ASTN2: variants seen among roughly 807,000 people sequenced by gnomAD.
The protein encoded by ASTN2 is astrotactin 2, also known as astrotactin-2.
In ASTN2, 54 loss-of-function variants were observed where a neutral mutation model predicts 139.8. That is an observed-to-expected ratio of 0.39 (90% CI 0.31 to 0.48). ASTN2 has a LOEUF of 0.48. Ranked by LOEUF, ASTN2 falls within the 20% of genes least tolerant of loss-of-function variation. The probability of loss-of-function intolerance (pLI) is 0.95; values close to 1 mark genes in which losing one functional copy is unlikely to be tolerated. For missense variants in ASTN2, 1,565 were observed against 1,725.1 expected (o/e 0.91, Z 1.64); for synonymous variants, 756 against 719.5 (o/e 1.05, Z -0.81).
At chr9:117,122,580 T>C (rs968989219) in intron 4 of ASTN2, among the ~76,000 whole-genome samples, 6 of 152,174 alleles carry the variant, frequency 3.9e-5, no homozygotes, top group African/African-American at 1.4e-4. Context: ...ACATGGTCAT[T>C]GACTTTGTGG....
intron 10 of ASTN2, among the ~76,000 whole-genome samples, chr9:116,965,514 G>A (rs1835988888): frequency 6.6e-6 from 1 of 152,166 alleles, no homozygotes; most frequent in African/African-American, 2.4e-5. Flanking sequence ...CCCCTATCAT[G>A]ACAAGATGGG....
At chr9:116,905,290 C>T (rs949678437) in intron 10 of ASTN2, among the ~76,000 whole-genome samples, 3 of 152,148 alleles carry the variant, frequency 2.0e-5, no homozygotes, top group Admixed American at 1.3e-4. Context: ...TGGTGTGATA[C>T]AAAAGCGGCA....
At chr9:116,818,226 CCTT>C (rs568818430) in intron 12 of ASTN2, among the ~76,000 whole-genome samples, 3 of 152,174 alleles carry the variant, frequency 2.0e-5, no homozygotes, top group Non-Finnish European at 4.4e-5. Flanking sequence ...ATTTATTAAA[CCTT>C]CTCCTACCCA....
chr9:117,126,151 G>C (rs1829684536), intron 4 of ASTN2, among the ~76,000 whole-genome samples: 1 of 152,172 alleles, frequency 6.6e-6, no homozygotes, highest in African/African-American at 2.4e-5. Flanking sequence ...AATCCCACCA[G>C]AGTAATTAGG....
chr9:116,678,019 C>T (rs1304940190), intron 16 of ASTN2, among the ~76,000 whole-genome samples: 1 of 152,124 alleles, frequency 6.6e-6, no homozygotes, highest in African/African-American at 2.4e-5. Context: ...GCATTTAAAT[C>T]AAATATTTTA....
At chr9:116,624,616 A>G (rs1320697037) in intron 17 of ASTN2, among the ~76,000 whole-genome samples, 2 of 152,230 alleles carry the variant, frequency 1.3e-5, no homozygotes, top group Non-Finnish European at 2.9e-5. Flanking sequence ...AATGTCACTA[A>G]GCCCATGAAT....
At chr9:117,179,711 G>T (rs1831008827) in intron 3 of ASTN2, among the ~76,000 whole-genome samples, 1 of 151,914 alleles carries the variant, frequency 6.6e-6, no homozygotes, top group South Asian at 2.1e-4. Context: ...TGTACTCCAG[G>T]ACTGCTGGGC....
intron 19 of ASTN2, among the ~76,000 whole-genome samples, chr9:116,507,543 G>C (rs1587902900): frequency 1.3e-5 from 2 of 152,184 alleles, no homozygotes; most frequent in East Asian, 3.9e-4. Flanking sequence ...GTTCCTAGAA[G>C]TATGCCTCCC....
intron 16 of ASTN2, among the ~76,000 whole-genome samples, chr9:116,669,189 A>G (rs1859042978): frequency 1.3e-5 from 2 of 152,188 alleles, no homozygotes; most frequent in African/African-American, 2.4e-5. Context: ...CAACTGTCCC[A>G]TGAACCAGAA....
chr9:117,303,490 CT>C (rs767896813), intron 1 of ASTN2, among the ~76,000 whole-genome samples: 6 of 152,148 alleles, frequency 3.9e-5, no homozygotes, highest in Non-Finnish European at 5.9e-5. Context: ...TTATAGCCCC[CT>C]ATGCCATCTA....
chr9:117,108,315 G>A (rs1829157525), intron 4 of ASTN2, among the ~76,000 whole-genome samples: 1 of 151,894 alleles, frequency 6.6e-6, no homozygotes, highest in Admixed American at 6.6e-5. Flanking sequence ...CCCTCTTCAG[G>A]GTGACATCAG....
At chr9:117,043,531 C>T (rs1216978372) in intron 5 of ASTN2, among the ~76,000 whole-genome samples, 2 of 152,156 alleles carry the variant, frequency 1.3e-5, no homozygotes, top group Non-Finnish European at 2.9e-5. Flanking sequence ...GGTAGAATGG[C>T]TCATACTCTC....
Position 116,487,397 on chromosome 9 carries a change from T to G in ASTN2, c.3459A>C (p.Ser1153=). 6.2e-7 allele frequency: 1 copy of G among 1,614,066 alleles called. No individual in the cohort carries two copies. The change falls in exon 20 of 23, where the codon TCA becomes TCC. Residue 1153 remains serine, a synonymous_variant. Coordinates refer to ENST00000313400, the MANE Select transcript of ASTN2 (RefSeq NM_001365068.1). ...CGGGCTCCAGACACTTGAAGATGACTGAGTAGATACTGACTTCAGGGACCT... is the reference window on the plus strand; with the variant it reads ...CGGGCTCCAGACACTTGAAGATGACGGAGTAGATACTGACTTCAGGGACCT... ...HGEVPEVSIY[S]VIFKCLEPDG... is the part of the protein sequence containing the mutation.
intron 2 of ASTN2, among the ~76,000 whole-genome samples, chr9:117,288,715 A>T (rs1377554196): frequency 6.6e-6 from 1 of 152,374 alleles, no homozygotes; most frequent in East Asian, 1.9e-4. Context: ...GTCTGTGGCC[A>T]GAATGACAAG....
At chr9:116,805,109 A>AGTGCGT (rs1554748928) in intron 13 of ASTN2, among the ~76,000 whole-genome samples, 2 of 143,022 alleles carry the variant, frequency 1.4e-5, no homozygotes, top group African/African-American at 5.2e-5. Context: ...GGATTTGGGG[A>AGTGCGT]GTGTGTGTGT....
chr9:116,920,152 GT>G (rs1368751678), intron 10 of ASTN2, among the ~76,000 whole-genome samples: 1 of 152,126 alleles, frequency 6.6e-6, no homozygotes, highest in Non-Finnish European at 1.5e-5. Context: ...AGCTCTAAAA[GT>G]TTTCTTCCTG....
chr9:117,182,974 AG>A (rs1831112320), intron 3 of ASTN2, among the ~76,000 whole-genome samples: 1 of 152,226 alleles, frequency 6.6e-6, no homozygotes, highest in Non-Finnish European at 1.5e-5. Flanking sequence ...ACTTTTAAAA[AG>A]ATCACTTTCT....
intron 16 of ASTN2, among the ~76,000 whole-genome samples, chr9:116,690,447 C>G (rs938386923): frequency 6.6e-6 from 1 of 152,182 alleles, no homozygotes. Flanking sequence ...TTCAGAGCCC[C>G]TATGTTTATG....
intron 13 of ASTN2, among the ~76,000 whole-genome samples, chr9:116,760,291 A>AT (rs1829642793): frequency 6.6e-6 from 1 of 152,190 alleles, no homozygotes; most frequent in Non-Finnish European, 1.5e-5. Flanking sequence ...TGTTAAGACT[A>AT]TTTTTTGAAC....
Sources: allele counts gnomAD v4.1 joint callset (sites outside exome capture counted in the v4.1 genomes callset), GRCh38; gene constraint gnomAD v4.1.1; transcripts MANE v1.5; gene names NCBI Gene and HGNC (gene_info 2026-07-23, HGNC 2026-07-21).